The following SLC9A4 variants were observed in gnomAD, a reference collection of about 807,000 sequenced individuals.
SLC9A4 encodes the protein sodium/hydrogen exchanger 4.
SLC9A4 carries 63 observed loss-of-function variants against 67.4 expected under a neutral mutation model. That is an observed-to-expected ratio of 0.93 (90% CI 0.76 to 1.15). SLC9A4 has a LOEUF of 1.15. Ranked by LOEUF, SLC9A4 falls within the 50% of genes most tolerant of loss-of-function variation. The pLI, the probability that SLC9A4 is intolerant of heterozygous loss-of-function variation, is 0.00. For synonymous variants in SLC9A4, 393 were observed against 367.2 expected (o/e 1.07, Z -0.80); for missense variants, 1,089 against 987.7 (o/e 1.10, Z -1.38).
chr2:102,505,419 C>T lies in SLC9A4; in HGVS notation c.1146C>T (p.Asn382=). 1 of 1,614,222 alleles carries T rather than the reference C, an allele frequency of 6.2e-7. No individual in the cohort carries two copies. Among genetic ancestry groups the T allele is most frequent in the South Asian group, 1.1e-5 (1 of 91,084 alleles). Residue 382 remains asparagine, a synonymous_variant, in exon 4 of 12, where the codon AAC becomes AAT. Transcript: ENST00000295269. ...CTGTGGGCAAGAATCACGAGTGGAA[C>T]TGGGCCTTCATCTGCTTCACCCTGG... ...VSTVGKNHEW[N]WAFICFTLAF...
At chr2:102,492,738 A>T (rs1383428866) in intron 2 of SLC9A4, among the ~76,000 whole-genome samples, 1 of 152,148 alleles carries the variant, frequency 6.6e-6, no homozygotes, top group African/African-American at 2.4e-5. Flanking sequence ...GGTGATTAAC[A>T]TTCAGCTCCT....
At chr2:102,506,216 A>G (rs899393359) in intron 4 of SLC9A4, among the ~76,000 whole-genome samples, 3 of 152,216 alleles carry the variant, frequency 2.0e-5, no homozygotes, top group African/African-American at 7.2e-5. Flanking sequence ...CAGGAGCTAG[A>G]AAAGAACATT....
At chr2:102,511,978 A>G (rs965838347) in intron 6 of SLC9A4, among the ~76,000 whole-genome samples, 1 of 152,170 alleles carries the variant, frequency 6.6e-6, no homozygotes, top group Non-Finnish European at 1.5e-5. Context: ...GTATTATGTG[A>G]ATTATGAAGA....
intron 4 of SLC9A4, among the ~76,000 whole-genome samples, chr2:102,507,453 A>G (rs76229479): frequency 6.6e-6 from 1 of 151,978 alleles, no homozygotes; most frequent in East Asian, 1.9e-4. Context: ...AAACTCCTCT[A>G]TGTTTCAAGC....
At chr2:102,482,932 C>T (rs566697992) in intron 2 of SLC9A4, among the ~76,000 whole-genome samples, 5 of 152,318 alleles carry the variant, frequency 3.3e-5, no homozygotes, top group East Asian at 1.9e-4. Context: ...ACTCCTTCCT[C>T]GAGCTTGAGA....
intron 2 of SLC9A4, among the ~76,000 whole-genome samples, chr2:102,490,706 CAT>C (rs1684677400): frequency 6.6e-6 from 1 of 152,162 alleles, no homozygotes; most frequent in African/African-American, 2.4e-5. Context: ...CACAAAGGTT[CAT>C]CTAGAACCAA....
At chr2:102,513,387 A>C (rs1685206428) in intron 7 of SLC9A4, among the ~76,000 whole-genome samples, 1 of 152,190 alleles carries the variant, frequency 6.6e-6, no homozygotes, top group Non-Finnish European at 1.5e-5. Flanking sequence ...CTTTGAATGT[A>C]AAATGATTGA....
rs144537340 is a variant in SLC9A4 at position 102,519,948 on chromosome 2, G to A, written c.1811G>A (p.Arg604Gln). 42 of 1,613,254 alleles carry A rather than the reference G, an allele frequency of 2.6e-5. No individual in the cohort carries two copies. The highest frequency in any genetic ancestry group is 1.6e-4 in the Middle Eastern group (1 of 6,078). ...DILTSNMYQV[R>Q]QRTLSYNKYN... ...CTGACATCCAACATGTACCAAGTTC[G>A]GCAAAGGGTGTGTATGAGCCACCTG... The change falls in exon 9 of 12, where the codon CGG (arginine) becomes CAG (glutamine). Residue 604 changes from arginine to glutamine, a missense_variant. Transcript: ENST00000295269.
rs1396239020 is a variant in SLC9A4 at position 102,503,605 on chromosome 2, G to A, written c.878G>A (p.Arg293His). ...VFGFISAFIT[R>H]FTQNISAIEP... is the part of the protein sequence containing the mutation. ...GGATTTATTTCTGCATTTATCACAC[G>A]TTTCACTCAGAATATCTCTGCAATT... Residue 293 changes from arginine to histidine, a missense_variant, in exon 3 of 12, where the codon CGT becomes CAT. Physicochemically the swap from Arg to His is conservative, Grantham distance 29. Transcript: ENST00000295269. 13 of 1,614,124 alleles carry A rather than the reference G, an allele frequency of 8.1e-6. No homozygotes were observed. The highest frequency in any genetic ancestry group is 1.1e-5 in the South Asian group (1 of 91,082).
intron 2 of SLC9A4, among the ~76,000 whole-genome samples, chr2:102,479,757 G>C (rs549415903): frequency 1.3e-5 from 2 of 152,266 alleles, no homozygotes; most frequent in East Asian, 3.9e-4. Context: ...TAAAAGATAA[G>C]GGTCAGGGAA....
chr2:102,507,774 T>A (rs1189043949), intron 4 of SLC9A4, among the ~76,000 whole-genome samples: 1 of 152,134 alleles, frequency 6.6e-6, no homozygotes, highest in Non-Finnish European at 1.5e-5. Flanking sequence ...GAATATAGAT[T>A]AGAAAATATA....
intron 1 of SLC9A4, among the ~76,000 whole-genome samples, chr2:102,476,458 A>G (rs1006174070): frequency 2.0e-5 from 3 of 152,192 alleles, no homozygotes; most frequent in African/African-American, 7.2e-5. Flanking sequence ...GGCCCTACTT[A>G]TAGGTGTGTG....
intron 2 of SLC9A4, among the ~76,000 whole-genome samples, chr2:102,488,829 G>A (rs532850275): frequency 6.6e-6 from 1 of 152,292 alleles, no homozygotes; most frequent in Non-Finnish European, 1.5e-5. Flanking sequence ...TTACAGGCGT[G>A]AGCCACTGCG....
At chr2:102,525,241 T>C in intron 10 of SLC9A4, 86 bp downstream of exon 10, 7 of 1,572,072 alleles carry the variant, frequency 4.5e-6, no homozygotes, top group Non-Finnish European at 6.1e-6. Context: ...GGATCTCACA[T>C]GCATGACCAT....
intron 7 of SLC9A4, among the ~76,000 whole-genome samples, chr2:102,513,168 C>T (rs1368009272): frequency 6.6e-6 from 1 of 152,014 alleles, no homozygotes; most frequent in East Asian, 1.9e-4. Context: ...CTCATGAGGG[C>T]AGAAAACTAG....
In SLC9A4 at chr2:102,479,166, A is replaced by G; in HGVS notation, c.584A>G (p.Gln195Arg). 1 of 1,614,164 alleles carries G rather than the reference A, an allele frequency of 6.2e-7. No homozygotes were observed. The highest frequency in any genetic ancestry group is 8.5e-7 in the Non-Finnish European group (1 of 1,180,006). Residue 195 changes from glutamine (Q) to arginine (R), a missense_variant, in exon 2 of 12, where the codon CAG becomes CGG. Coordinates refer to ENST00000295269, the MANE Select transcript of SLC9A4 (RefSeq NM_001011552.4). ...AFGLGDVNLLQNLLFGSLISA... is the reference protein window; with the variant it reads ...AFGLGDVNLLRNLLFGSLISA... ...GGCCTGGGCGACGTCAACCTGCTGC[A>G]GAACCTGCTGTTCGGCAGCCTGATC...
Position 102,527,838 on chromosome 2 carries a change from A to G in SLC9A4, c.2038+1492A>G, listed in dbSNP as rs1465393418. On this transcript the variant is annotated intron_variant, in intron 11 of 11. Coordinates refer to ENST00000295269, the MANE Select transcript of SLC9A4 (RefSeq NM_001011552.4). ...TCTTTGATTTTTAGTGAAGTTGAACATCTTTCACATTTTGGAAACAATGAT... is the reference window on the plus strand; with the variant it reads ...TCTTTGATTTTTAGTGAAGTTGAACGTCTTTCACATTTTGGAAACAATGAT... 2.0e-5 allele frequency among the ~76,000 whole-genome samples: 3 copies of G among 152,174 alleles called. No individual in the cohort carries two copies. In the South Asian group the frequency reaches 6.2e-4, roughly 32 times the overall value.
intron 9 of SLC9A4, among the ~76,000 whole-genome samples, chr2:102,524,566 G>GTGTGTGTGTA (rs1186094106): frequency 2.0e-5 from 3 of 151,804 alleles, no homozygotes; most frequent in Non-Finnish European, 4.4e-5. Context: ...TTGTGTGTGT[G>GTGTGTGTGTA]TGTGTGTGTG....
At chr2:102,475,658 A>G (rs1449305361) in intron 1 of SLC9A4, among the ~76,000 whole-genome samples, 1 of 152,232 alleles carries the variant, frequency 6.6e-6, no homozygotes, top group East Asian at 1.9e-4. Flanking sequence ...AGAGTAGGAT[A>G]TCAGAACACG....
Sources: gnomAD v4.1 joint callset for allele counts (sites outside exome capture counted in the v4.1 genomes callset) on GRCh38, gnomAD v4.1.1 for gene constraint, MANE v1.5 for transcripts, NCBI Gene and HGNC (gene_info 2026-07-23, HGNC 2026-07-21) for gene names.